The following TRIM14 variants were observed in gnomAD, a reference collection of about 807,000 sequenced individuals.
TRIM14 encodes the protein tripartite motif-containing protein 14.
TRIM14 carries 28 observed loss-of-function variants against 44.5 expected under a neutral mutation model. The observed-to-expected ratio is 0.63, with a 90% confidence interval of 0.47 to 0.86. The LOEUF (loss-of-function observed/expected upper bound fraction) is 0.86. TRIM14 is among the 40% of genes least tolerant of loss of function. The pLI is 0.00. For missense variants in TRIM14, 607 were observed against 611.1 expected (o/e 0.99, Z 0.07); for synonymous variants, 299 against 269.2 (o/e 1.11, Z -1.08).
chr9:98,105,604 A>G (rs952262359), intron 2 of TRIM14, among the ~76,000 whole-genome samples: 15 of 152,292 alleles, frequency 9.8e-5, no homozygotes, highest in Admixed American at 2.0e-4. Flanking sequence ...AAACAAAAAA[A>G]CAAACAAACA....
In TRIM14 at chr9:98,087,931, G is replaced by A. The variant is rs1825851369; in HGVS notation, c.868C>T (p.Arg290Cys). The change falls in exon 6 of 6, where the codon CGC (arginine) becomes TGC (cysteine). Residue 290 changes from arginine (R) to cysteine (C), a missense_variant. Physicochemically the swap from Arg to Cys is radical, Grantham distance 180 (BLOSUM62 -3). Around this residue, in one of 3 missense-constraint regions of TRIM14, gnomAD observed 356 missense variants for 323.0 expected, o/e 1.10. Transcript: ENST00000341469. ...CCCAGGCTGCCCAGCAGGCCGCAGC[G>A]CACCGTCAGGCGATCGGCGGACAGG... ...LRLSADRLTV[R>C]CGLLGSLGPV... 3 of 1,565,314 alleles carry A rather than the reference G, an allele frequency of 1.9e-6. No homozygotes were observed. The highest frequency in any genetic ancestry group is 2.8e-5 in the African/African-American group (2 of 71,046).
At chr9:98,056,758 C>T in the TRIM14 span, 824 of 1,581,652 alleles carry the variant, frequency 5.2e-4, 1 homozygote, top group Middle Eastern at 5.6e-4. Context: ...GCGGCGGCGG[C>T]GGCGGCCGGA....
chr9:98,100,358 A>C (rs1826345755), intron 2 of TRIM14, among the ~76,000 whole-genome samples, 194 bp from the exon 3 acceptor site: 1 of 152,242 alleles, frequency 6.6e-6, no homozygotes, highest in Non-Finnish European at 1.5e-5. Context: ...CGGAGAAATA[A>C]AGATCCTTTT....
downstream of TRIM14, chr9:98,080,818 A>C (rs778409762): frequency 6.4e-7 from 1 of 1,571,550 alleles, no homozygotes; most frequent in Non-Finnish European, 8.7e-7. Context: ...TTTTAAAGGA[A>C]TATCAGAAGC....
rs867842019 is a variant in TRIM14 at position 98,078,837 on chromosome 9, A to G, written c.*28+8605T>C. Among the ~76,000 whole-genome samples the G allele has an allele frequency of 0.027, 681 of 24,884 alleles. 1 individual carries two copies. In the African/African-American group the frequency reaches 0.28, roughly 10 times the overall value. The allele number at this position is 24,884 out of a possible 152,430, so 16.3% of individuals were successfully genotyped here. On this transcript the variant is annotated intron_variant, in intron 6 of 6. Coordinates refer to the TRIM14 transcript ENST00000375098. ...GTGACAGAGTGAGACTCTCAGGGGG[A>G]AAAAAAAAAAAAAAAAAGTCTGTCT...
At chr9:98,038,033 C>CTTATTT in the TRIM14 span, among the ~76,000 whole-genome samples, 4 of 151,764 alleles carry the variant, frequency 2.6e-5, no homozygotes, top group East Asian at 1.9e-4. Context: ...GCACCCGGCT[C>CTTATTT]TTATTTTTAT....
rs148084897 is a variant in TRIM14, at chr9:98,085,667, T to C, written c.*1803A>G. 6.6e-6 allele frequency: 1 copy of C among 152,226 alleles called. No individual in the cohort carries two copies. Among genetic ancestry groups the C allele is most frequent in the East Asian group, 1.9e-4 (1 of 5,178 alleles). The allele number at this position is 152,226 out of a possible 1,614,324, so 9.4% of individuals were successfully genotyped here. A position where few individuals can be genotyped will look rare whatever the true frequency, so the allele number is the denominator to read the frequency against. ...CCTTTTTCTCAGGATTCCTGCAGCA[T>C]AGTGCTTAAAACTCTGTCCAGCCAG... On this transcript the variant is annotated 3_prime_UTR_variant, in exon 6 of 6. Coordinates refer to ENST00000341469, the MANE Select transcript of TRIM14 (RefSeq NM_014788.4).
rs1460472274 is a variant in TRIM14 at position 98,099,946 on chromosome 9, A to G, written c.522T>C (p.Pro174=). The G allele has an allele frequency of 1.2e-6, 2 of 1,613,298 alleles. No individual in the cohort carries two copies. Among genetic ancestry groups the G allele is most frequent in the East Asian group, 4.5e-5 (2 of 44,882 alleles). ...CCAGCATTACCTGAAGCCTCTGGAC[A>G]GGATCGGGCTCCTGGCTGATACTCC... ...RVWSISQEPD[P]VQRLQAYTAT... Residue 174 remains proline (P), a synonymous_variant, in exon 3 of 6, where the codon CCT becomes CCC. Transcript: ENST00000341469.
At chr9:98,078,405 C>CT in intron 6 of TRIM14, 2 of 1,556,562 alleles carry the variant, frequency 1.3e-6, no homozygotes, top group Non-Finnish European at 1.7e-6. Context: ...AAGGCGTAGT[C>CT]TTTTTTATAA....
chr9:98,100,501 A>C (rs117583344), intron 2 of TRIM14, among the ~76,000 whole-genome samples: 14 of 152,336 alleles, frequency 9.2e-5, no homozygotes, highest in Admixed American at 5.9e-4. Context: ...TGAAATTCTA[A>C]TCAAAATCTT....
chr9:98,112,730 G>A (rs1826896541), intron 1 of TRIM14, among the ~76,000 whole-genome samples: 1 of 149,908 alleles, frequency 6.7e-6, no homozygotes, highest in Non-Finnish European at 1.5e-5. Context: ...TCTGGGAGGT[G>A]GAGGTTGCAG....
At chr9:98,107,187 G>A (rs1826646410) in intron 2 of TRIM14, among the ~76,000 whole-genome samples, 2 of 152,170 alleles carry the variant, frequency 1.3e-5, no homozygotes. Context: ...CATTGCTGGT[G>A]GGAATGTAAA....
In TRIM14 at chr9:98,086,091, C is replaced by T. The variant is rs1374177782; in HGVS notation, c.*1379G>A. ...CCAGACAGCTGGGCACTCTGGGTTT[C>T]CTTGGCAACATCTGGATCTAAGGGT... On this transcript the variant is annotated 3_prime_UTR_variant, in exon 6 of 6. Coordinates refer to ENST00000341469, the MANE Select transcript of TRIM14 (RefSeq NM_014788.4). The T allele has an allele frequency of 6.6e-6, 1 of 152,234 alleles. No homozygotes were observed. Among genetic ancestry groups the T allele is most frequent in the East Asian group, 1.9e-4 (1 of 5,194 alleles). The allele number at this position is 152,234 out of a possible 1,614,324, so 9.4% of individuals were successfully genotyped here.
chr9:98,099,857 G>T (rs966805886), intron 3 of TRIM14, 74 bp downstream of exon 3: 12 of 1,349,870 alleles, frequency 8.9e-6, no homozygotes, highest in Admixed American at 5.2e-5. Context: ...TCAATACTGT[G>T]CTCAATGCCA....
the TRIM14 span, among the ~76,000 whole-genome samples, chr9:98,055,376 G>C: frequency 6.6e-6 from 1 of 152,144 alleles, no homozygotes; most frequent in Non-Finnish European, 1.5e-5. Context: ...AGTATGCCAG[G>C]AGTGCTGATT....
the TRIM14 span, among the ~76,000 whole-genome samples, chr9:98,063,588 C>G: frequency 1.3e-5 from 2 of 151,554 alleles, 1 homozygote; most frequent in South Asian, 4.1e-4. Flanking sequence ...GTCACCCATG[C>G]TGGAGTGCAA....
chr9:98,109,219 CGAGGAGGGAGCAACAGAGGATGAAGGG>C (rs1406244424), intron 2 of TRIM14, among the ~76,000 whole-genome samples: 13 of 150,952 alleles, frequency 8.6e-5, no homozygotes, highest in African/African-American at 2.0e-4. Context: ...GCCCTCACTG[CGAGGAGGGAGCAACAGAGGATGAAGGG>C]GAGGAGGGAG....
chr9:98,044,619 GC>G, the TRIM14 span, among the ~76,000 whole-genome samples: 1 of 151,876 alleles, frequency 6.6e-6, no homozygotes, highest in Admixed American at 6.6e-5. Flanking sequence ...TGATCTGCCC[GC>G]CTTGGCTTCC....
At chr9:98,056,244 C>T in the TRIM14 span, among the ~76,000 whole-genome samples, 19 of 152,288 alleles carry the variant, frequency 1.2e-4, no homozygotes, top group African/African-American at 4.1e-4. Context: ...TCTCACAGTT[C>T]TATTTTATTT....
Sources: allele counts gnomAD v4.1 joint callset (sites outside exome capture counted in the v4.1 genomes callset), GRCh38; gene constraint gnomAD v4.1.1; regional missense constraint gnomAD v4.1.1; transcripts MANE v1.5; gene names NCBI Gene and HGNC (gene_info 2026-07-23, HGNC 2026-07-21).